Variants in IL17RD observed in about 807,000 individuals in gnomAD.
IL17RD encodes interleukin-17 receptor D.
Under a neutral mutation model 80.5 loss-of-function variants are expected in IL17RD, and 52 were observed. The ratio of observed to expected loss-of-function variants is 0.65; its 90% CI spans 0.52 to 0.81. The LOEUF is 0.81. Among genes scored for constraint, IL17RD ranks in the 40% least tolerant of loss-of-function variants. The probability of loss-of-function intolerance (pLI) is 0.00; values close to 1 mark genes in which losing one functional copy is unlikely to be tolerated. For missense variants in IL17RD, 1,024 were observed against 955.1 expected, an observed-to-expected ratio of 1.07 and a Z score of -0.95; for synonymous variants, 416 against 391.8, an observed-to-expected ratio of 1.06 and a Z score of -0.73.
intron 4 of IL17RD, among the ~76,000 whole-genome samples, 200 bp from the exon 5 acceptor site, chr3:57,109,857 G>A (rs1011483152): frequency 6.6e-6 from 1 of 152,182 alleles, no homozygotes; most frequent in Non-Finnish European, 1.5e-5. Flanking sequence ...TGGACAATGC[G>A]GTCTGTTTTT....
intron 1 of IL17RD, among the ~76,000 whole-genome samples, chr3:57,157,235 A>T (rs2060274011): frequency 6.6e-6 from 1 of 152,176 alleles, no homozygotes; most frequent in African/African-American, 2.4e-5. Flanking sequence ...AATGTCAACA[A>T]ACTGCTTTTC....
intron 12 of IL17RD, among the ~76,000 whole-genome samples, chr3:57,097,138 T>G (rs1706696400): frequency 6.6e-6 from 1 of 151,940 alleles, no homozygotes; most frequent in South Asian, 2.1e-4. Context: ...CCCTCATACC[T>G]GGGACCCTAT....
chr3:57,165,073 G>A, intron 1 of IL17RD, 88 bp downstream of exon 1: 1 of 1,382,888 alleles, frequency 7.2e-7, no homozygotes, highest in Admixed American at 3.5e-5. Context: ...CAGACAGGTT[G>A]GCGCGGGCTC....
chr3:57,105,550 A>T (rs199942182), intron 7 of IL17RD, among the ~76,000 whole-genome samples: 23 of 80,392 alleles, frequency 2.9e-4, no homozygotes, highest in East Asian at 2.4e-3. Context: ...AAAAAAAAAA[A>T]AAATATATAT....
chr3:57,124,149 C>T (rs373425675), intron 1 of IL17RD, among the ~76,000 whole-genome samples: 6 of 152,182 alleles, frequency 3.9e-5, no homozygotes, highest in East Asian at 1.9e-4. Context: ...CTTAGCTCAA[C>T]GCCCAAATAA....
intron 1 of IL17RD, among the ~76,000 whole-genome samples, chr3:57,147,865 T>C (rs1264354865): frequency 6.6e-6 from 1 of 152,152 alleles, no homozygotes; most frequent in Non-Finnish European, 1.5e-5. Context: ...GGTAGAAGAA[T>C]CAGTATGTAA....
chr3:57,101,404 C>T (rs895267657), intron 10 of IL17RD, 41 bp from the exon 11 acceptor site: 11 of 1,324,514 alleles, frequency 8.3e-6, no homozygotes, highest in South Asian at 3.9e-5. Context: ...TTGCAAGCAA[C>T]GCTTTGTTCT....
At chr3:57,140,308 TC>T (rs1422987030) in intron 1 of IL17RD, among the ~76,000 whole-genome samples, 1 of 152,104 alleles carries the variant, frequency 6.6e-6, no homozygotes, top group Non-Finnish European at 1.5e-5. Flanking sequence ...AACTACGAGC[TC>T]TAAATCAGGT....
In IL17RD at chr3:57,091,454, T is replaced by A. The variant is rs886160872; in HGVS notation, c.*4939A>T. Reference sequence around the variant, plus strand: ...AGCTGGGTGTGCAAGAATTTCCCCATAATCCCCATCCTGAGCCTCGTCTTC... The same window carrying A: ...AGCTGGGTGTGCAAGAATTTCCCCAAAATCCCCATCCTGAGCCTCGTCTTC... On this transcript the variant is annotated 3_prime_UTR_variant, in exon 13 of 13. Coordinates refer to ENST00000296318, the MANE Select transcript of IL17RD (RefSeq NM_017563.5). 2 of 152,598 alleles carry A rather than the reference T, an allele frequency of 1.3e-5. No individual in the cohort carries two copies. Among genetic ancestry groups the A allele is most frequent in the Non-Finnish European group, 2.9e-5 (2 of 68,028 alleles). The allele number at this position is 152,598 out of a possible 1,614,324, so 9.5% of individuals were successfully genotyped here. A position where few individuals can be genotyped will look rare whatever the true frequency, so the allele number is the denominator to read the frequency against.
intron 7 of IL17RD, among the ~76,000 whole-genome samples, chr3:57,104,877 G>A (rs1319884744): frequency 1.3e-5 from 2 of 152,134 alleles, no homozygotes; most frequent in African/African-American, 2.4e-5. Flanking sequence ...ACTGGGCTTT[G>A]CCACCACGAC....
chr3:57,120,185 T>C, intron 2 of IL17RD, 71 bp downstream of exon 2: 1 of 1,251,784 alleles, frequency 8.0e-7, no homozygotes, highest in Non-Finnish European at 1.2e-6. Flanking sequence ...GAGTCCTTGA[T>C]TAAGCATGGC....
chr3:57,097,628 A>G lies in IL17RD; in HGVS notation c.2075T>C (p.Leu692Pro). Residue 692 changes from leucine to proline, a missense_variant, in exon 12 of 13, where the codon CTG becomes CCG. Physicochemically the swap from Leu to Pro is moderately conservative, Grantham distance 98. Coordinates refer to ENST00000296318, the MANE Select transcript of IL17RD (RefSeq NM_017563.5). ...LSTDQTETSS[L>P]TESVSSSSGL... ...TGAAGAGGAGGACACGCTCTCCGTCAGGGAAGACGTTTCTGTCTGGTCCGT... is the reference window on the plus strand; with the variant it reads ...TGAAGAGGAGGACACGCTCTCCGTCGGGGAAGACGTTTCTGTCTGGTCCGT... The G allele has an allele frequency of 6.3e-7, 1 of 1,589,348 alleles. No individual in the cohort carries two copies. Among genetic ancestry groups the G allele is most frequent in the Non-Finnish European group, 8.6e-7 (1 of 1,168,272 alleles).
At chr3:57,151,221 A>G (rs1267697880) in intron 1 of IL17RD, among the ~76,000 whole-genome samples, 1 of 152,164 alleles carries the variant, frequency 6.6e-6, no homozygotes, top group Non-Finnish European at 1.5e-5. Flanking sequence ...CCCCAGAGTG[A>G]TATAACAGAT....
rs574073040 is a variant in IL17RD, at chr3:57,158,188, T to A, written c.126+6973A>T. 2.2e-4 allele frequency among the ~76,000 whole-genome samples: 33 copies of A among 152,362 alleles called. No homozygotes were observed. In the South Asian group the frequency reaches 6.8e-3, roughly 32 times the overall value. ...ATGGCTTTTCTGGTACGTTCAAGCA[T>A]GCTTCCCTACCATGTAGTAGTTTTA... On this transcript the variant is annotated intron_variant, in intron 1 of 12. Transcript: ENST00000296318.
upstream of IL17RD, among the ~76,000 whole-genome samples, chr3:57,167,395 C>T (rs1031860590): frequency 6.6e-6 from 1 of 152,140 alleles, no homozygotes; most frequent in African/African-American, 2.4e-5. Flanking sequence ...TACCCTCCCT[C>T]ACATTCTTGG....
In IL17RD at chr3:57,109,000, G is replaced by T. The variant is rs754222581; in HGVS notation, c.550+537C>A. ...CACCCTCAAAAATATCAACTGTCAG[G>T]TCTGTTCTAGAACAAGCCAGGAGTG... On this transcript the variant is annotated intron_variant, in intron 5 of 12. Coordinates refer to ENST00000296318, the MANE Select transcript of IL17RD (RefSeq NM_017563.5). Among the ~76,000 whole-genome samples the T allele has an allele frequency of 5.9e-5, 9 of 152,232 alleles. No homozygotes were observed. The South Asian group carries it at 1.9e-3, about 32-fold the overall frequency.
At chr3:57,112,387 C>T (rs985822227) in intron 3 of IL17RD, among the ~76,000 whole-genome samples, 6 of 152,208 alleles carry the variant, frequency 3.9e-5, no homozygotes, top group African/African-American at 1.2e-4. Context: ...TCTCAGCCAG[C>T]GCTCTTAACT....
chr3:57,159,157 A>C (rs1210453088), intron 1 of IL17RD, among the ~76,000 whole-genome samples: 3 of 150,154 alleles, frequency 2.0e-5, no homozygotes, highest in Non-Finnish European at 4.4e-5. Context: ...ATTTACATTT[A>C]TGCACTCAGG....
In IL17RD at chr3:57,097,755, C is replaced by T. The variant is rs1181132377; in HGVS notation, c.1948G>A (p.Val650Met). The T allele has an allele frequency of 5.0e-6, 8 of 1,602,196 alleles. No homozygotes were observed. The highest frequency in any genetic ancestry group is 6.8e-6 in the Non-Finnish European group (8 of 1,173,408). The stretch of plus-strand genomic sequence containing the variant: ...ATGTCCGAGGGGCTGCCGGCTTTCA[C>T]CGTGTGCAGCAGGGGTTGCAGGGCG... ...SAALQPLLHT[V>M]KAGSPSDMPR... The change falls in exon 12 of 13, where the codon GTG becomes ATG. Residue 650 changes from valine to methionine, a missense_variant. Physicochemically the swap from Val to Met is conservative, Grantham distance 21. Transcript: ENST00000296318.
Sources: gnomAD v4.1 joint callset for allele counts (sites outside exome capture counted in the v4.1 genomes callset) on GRCh38, gnomAD v4.1.1 for gene constraint, MANE v1.5 for transcripts, NCBI Gene and HGNC (gene_info 2026-07-23, HGNC 2026-07-21) for gene names.